Variants in CRAMP1 observed in about 807,000 individuals in gnomAD.
CRAMP1 encodes the protein cramped chromatin regulator 1, also known as protein cramped-like.
In CRAMP1, 50 loss-of-function variants were observed where a neutral mutation model predicts 115.4. The observed-to-expected ratio is 0.43, with a 90% CI of 0.35 to 0.55. The LOEUF (loss-of-function observed/expected upper bound fraction) is 0.55. CRAMP1 is among the 20% of genes least tolerant of loss of function. The probability of loss-of-function intolerance (pLI) is 0.01; values close to 1 mark genes in which losing one functional copy is unlikely to be tolerated. For missense variants in CRAMP1, 1,679 were observed against 1,721.7 expected, an observed-to-expected ratio of 0.98 and a Z score of 0.44; for synonymous variants, 866 against 745.4, an observed-to-expected ratio of 1.16 and a Z score of -2.64.
chr16:1,637,246 A>T (rs2036596295), intron 4 of CRAMP1, among the ~76,000 whole-genome samples: 1 of 152,034 alleles, frequency 6.6e-6, no homozygotes, highest in Non-Finnish European at 1.5e-5. Flanking sequence ...GTGAGCCGAG[A>T]TCATGCCACT....
intron 1 of CRAMP1, among the ~76,000 whole-genome samples, 62 bp downstream of exon 1, chr16:1,612,719 G>GGCGCGGGAGA (rs1216599175): frequency 6.6e-6 from 1 of 152,030 alleles, no homozygotes; most frequent in African/African-American, 2.4e-5. Flanking sequence ...CCTGTCGGGC[G>GGCGCGGGAGA]GCGCGGGAGA....
At chr16:1,660,458 A>T (rs1476085363) in intron 11 of CRAMP1, among the ~76,000 whole-genome samples, 1 of 152,194 alleles carries the variant, frequency 6.6e-6, no homozygotes, top group Non-Finnish European at 1.5e-5. Context: ...TCCTTCAGTT[A>T]GGGGAGGTGC....
chr16:1,632,480 G>T (rs985799815), intron 4 of CRAMP1, 115 bp downstream of exon 4: 1 of 1,086,844 alleles, frequency 9.2e-7, no homozygotes, highest in Non-Finnish European at 1.3e-6. Flanking sequence ...CTCACCAGCC[G>T]CTTGGCCTGG....
chr16:1,657,081 C>A, intron 10 of CRAMP1, 89 bp downstream of exon 10: 1 of 1,224,110 alleles, frequency 8.2e-7, no homozygotes, highest in Non-Finnish European at 1.1e-6. Context: ...CTAGGGCCAG[C>A]ACGGTTGGGG....
chr16:1,659,818 T>TC, intron 10 of CRAMP1, 68 bp from the exon 11 acceptor site: 1 of 1,448,492 alleles, frequency 6.9e-7, no homozygotes, highest in Non-Finnish European at 9.7e-7. Context: ...TGCCTCCTAC[T>TC]CCAGGGCACG....
chr16:1,629,668 G>A (rs1419284923), intron 3 of CRAMP1, among the ~76,000 whole-genome samples: 4 of 152,278 alleles, frequency 2.6e-5, no homozygotes, highest in South Asian at 2.1e-4. Context: ...TTGCTTCATC[G>A]TGGTTCTTGC....
At chr16:1,665,733 C>G in intron 14 of CRAMP1, 3 of 296,132 alleles carry the variant, frequency 1.0e-5, no homozygotes, top group Non-Finnish European at 1.9e-5. Flanking sequence ...GTGGCAGCAT[C>G]TTAGTCCAGA....
rs954424216 is a variant in CRAMP1 at position 1,626,096 on chromosome 16, A to G, written c.470A>G (p.Lys157Arg). The G allele has an allele frequency of 3.9e-6, 6 of 1,551,020 alleles. No individual in the cohort carries two copies. The African/African-American group carries it at 5.5e-5, about 14-fold the overall frequency. Residue 157 changes from lysine (K) to arginine (R), a missense_variant, in exon 3 of 21, where the codon AAA becomes AGA. Around this residue, in one of 8 missense-constraint regions of CRAMP1, gnomAD observed 264 missense variants for 229.7 expected, o/e 1.15. Coordinates refer to ENST00000397412, the MANE Select transcript of CRAMP1 (RefSeq NM_020825.4). ...TCTGGTGGCGAGAAGGAAGAAGGCA[A>G]AAAGGTCCGGCGGCAGTGGGAGTCG... ...GSSGGEKEEG[K>R]KVRRQWESWS...
chr16:1,674,140 C>T lies in CRAMP1; in HGVS notation c.*95C>T, dbSNP rs1486750826. ...AAGATGGTCTGAACAGAGGCATCTC[C>T]GCACCCAAGACTGTGCAACGGGCAG... On this transcript the variant is annotated 3_prime_UTR_variant, in exon 21 of 21. Transcript: ENST00000397412. 43 of 1,267,652 alleles carry T rather than the reference C, an allele frequency of 3.4e-5. No individual in the cohort carries two copies. The highest frequency in any genetic ancestry group is 3.5e-5 in the Non-Finnish European group (32 of 916,468). 78.5% of individuals were successfully genotyped at this position (1,267,652 alleles called of 1,614,324 possible).
intron 5 of CRAMP1, among the ~76,000 whole-genome samples, chr16:1,639,601 G>A (rs746695501): frequency 6.6e-6 from 1 of 152,104 alleles, no homozygotes; most frequent in South Asian, 2.1e-4. Context: ...CCCCAGTCTT[G>A]GGGAAGACTT....
chr16:1,630,241 T>C (rs570515692), intron 3 of CRAMP1, among the ~76,000 whole-genome samples: 1 of 152,308 alleles, frequency 6.6e-6, no homozygotes, highest in East Asian at 1.9e-4. Context: ...CTTGACCTCC[T>C]GGGCTCAAGT....
intron 6 of CRAMP1, among the ~76,000 whole-genome samples, chr16:1,645,830 T>G (rs1418455296): frequency 2.0e-5 from 3 of 152,194 alleles, no homozygotes; most frequent in South Asian, 2.1e-4. Flanking sequence ...GATTGGCCTC[T>G]TCACTTACAG....
rs117651867 is a variant in CRAMP1 at position 1,627,982 on chromosome 16, A to T, written c.540+1816A>T. Among the ~76,000 whole-genome samples the T allele has an allele frequency of 5.0e-4, 76 of 152,198 alleles. 1 individual carries two copies. In the East Asian group the frequency reaches 0.014, roughly 27 times the overall value. ...GGGTCTGGGTGCCTGGGAGCAGGAG[A>T]TGTGGTTGTCCATTAAAGGTAGCAG... On this transcript the variant is annotated intron_variant, in intron 3 of 20. Coordinates refer to ENST00000397412, the MANE Select transcript of CRAMP1 (RefSeq NM_020825.4).
rs374087962 is a variant in CRAMP1, at chr16:1,632,279, C to G, written c.608C>G (p.Ala203Gly). The change falls in exon 4 of 21, where the codon GCA (alanine) becomes GGA (glycine). Residue 203 changes from alanine (A) to glycine (G), a missense_variant. Transcript: ENST00000397412. ...AAGTACAAGAAGAAAGGCAAGCCAGCAAGCATGGTGAAGAACAAGGAGCAG... is the reference window on the plus strand; with the variant it reads ...AAGTACAAGAAGAAAGGCAAGCCAGGAAGCATGGTGAAGAACAAGGAGCAG... ...ALKYKKKGKP[A>G]SMVKNKEQVR... is the part of the protein sequence containing the mutation. The G allele has an allele frequency of 4.1e-5, 65 of 1,597,142 alleles. No individual in the cohort carries two copies. The highest frequency in any genetic ancestry group is 5.2e-5 in the Non-Finnish European group (61 of 1,172,626).
intron 13 of CRAMP1, among the ~76,000 whole-genome samples, chr16:1,663,685 C>T (rs895410200): frequency 1.3e-5 from 2 of 152,192 alleles, no homozygotes; most frequent in African/African-American, 4.8e-5. Flanking sequence ...AATCCCAGAA[C>T]GTTACCACCC....
chr16:1,631,352 C>T (rs1394495038), intron 3 of CRAMP1, among the ~76,000 whole-genome samples: 1 of 152,244 alleles, frequency 6.6e-6, no homozygotes, highest in African/African-American at 2.4e-5. Context: ...CTCCTGCATC[C>T]TCTTCTCACG....
At chr16:1,665,963 G>T in intron 14 of CRAMP1, 110 bp from the exon 15 acceptor site, 1 of 708,278 alleles carries the variant, frequency 1.4e-6, no homozygotes, top group Non-Finnish European at 2.5e-6. Flanking sequence ...GCTTGGCTCG[G>T]CTCCCACACT....
chr16:1,662,523 C>G lies in CRAMP1; in HGVS notation c.2447C>G (p.Pro816Arg), dbSNP rs1036554119. 2 of 1,613,860 alleles carry G rather than the reference C, an allele frequency of 1.2e-6. No homozygotes were observed. The highest frequency in any genetic ancestry group is 2.7e-5 in the African/African-American group (2 of 74,912). Residue 816 changes from proline to arginine, a missense_variant, in exon 12 of 21, where the codon CCT becomes CGT. Pro to Arg is a moderately radical substitution (Grantham distance 103). Around this residue, in one of 8 missense-constraint regions of CRAMP1, gnomAD observed 709 missense variants for 741.9 expected, o/e 0.96. Coordinates refer to ENST00000397412, the MANE Select transcript of CRAMP1 (RefSeq NM_020825.4). ...AACCCTCCAAGACCCCTCTTGGTGC[C>G]TGGTCCCTCCAGCACAGGAAGCAAT... ...LRNPPRPLLVPGPSSTGSNDS... is the reference protein window; with the variant it reads ...LRNPPRPLLVRGPSSTGSNDS...
rs1005548037 is a variant in CRAMP1 at position 1,677,047 on chromosome 16, G to C, written c.*3002G>C. ...CTGCAAAGAAAGTTGTGGGGCATAAGACACCGGGAATGAGGGAGGAGGAAG... is the reference window on the plus strand; with the variant it reads ...CTGCAAAGAAAGTTGTGGGGCATAACACACCGGGAATGAGGGAGGAGGAAG... On this transcript the variant is annotated 3_prime_UTR_variant, in exon 21 of 21. Coordinates refer to ENST00000397412, the MANE Select transcript of CRAMP1 (RefSeq NM_020825.4). 6.6e-6 allele frequency: 1 copy of C among 152,652 alleles called. No individual in the cohort carries two copies. The highest frequency in any genetic ancestry group is 2.4e-5 in the African/African-American group (1 of 41,452). The allele number at this position is 152,652 out of a possible 1,614,324, so 9.5% of individuals were successfully genotyped here.
Sources: gnomAD v4.1 joint callset for allele counts (sites outside exome capture counted in the v4.1 genomes callset) on GRCh38, gnomAD v4.1.1 for gene constraint, gnomAD v4.1.1 regional missense constraint, MANE v1.5 for transcripts, NCBI Gene and HGNC (gene_info 2026-07-23, HGNC 2026-07-21) for gene names.